Variants in ERBIN observed in about 807,000 individuals in gnomAD.
The protein encoded by ERBIN is densin-180-like protein.
ERBIN carries 60 observed loss-of-function variants against 158.4 expected under a neutral mutation model. That is an observed-to-expected ratio of 0.38 (90% CI 0.31 to 0.47). The LOEUF (loss-of-function observed/expected upper bound fraction) is 0.47, where lower values mean the gene tolerates loss of function less well. ERBIN is among the 20% of genes least tolerant of loss of function. The pLI is 0.99. For synonymous variants in ERBIN, 594 were observed against 557.2 expected (o/e 1.07, Z -0.93); for missense variants, 1,610 against 1,648.0 (o/e 0.98, Z 0.40).
At chr5:66,065,738 A>G (rs1760926820) in intron 21 of ERBIN, among the ~76,000 whole-genome samples, 1 of 151,826 alleles carries the variant, frequency 6.6e-6, no homozygotes, top group Non-Finnish European at 1.5e-5. Context: ...CAGAATAATT[A>G]AGTAATTTTC....
intron 1 of ERBIN, among the ~76,000 whole-genome samples, chr5:65,950,130 TGA>T (rs373737771): frequency 1.9e-3 from 286 of 152,242 alleles, no homozygotes; most frequent in South Asian, 3.7e-3. Flanking sequence ...CTCGGCCTCT[TGA>T]GTAGCTGGGA....
At chr5:65,928,706 C>T (rs997989446) in intron 1 of ERBIN, among the ~76,000 whole-genome samples, 3 of 151,794 alleles carry the variant, frequency 2.0e-5, no homozygotes, top group African/African-American at 7.3e-5. Flanking sequence ...TTTTTTTTCT[C>T]CTCAACAAGG....
chr5:66,026,607 T>C (rs1756284410), intron 13 of ERBIN, among the ~76,000 whole-genome samples, 190 bp downstream of exon 13: 1 of 152,108 alleles, frequency 6.6e-6, no homozygotes, highest in Non-Finnish European at 1.5e-5. Flanking sequence ...AAATCACTTC[T>C]TTCGTTCATC....
At chr5:66,077,104 TC>T (rs1762050886) in intron 25 of ERBIN, among the ~76,000 whole-genome samples, 155 bp downstream of exon 25, 1 of 146,678 alleles carries the variant, frequency 6.8e-6, no homozygotes, top group Non-Finnish European at 1.5e-5. Context: ...CGAGCCGAGA[TC>T]GCGCCACTGT....
rs1429263179 is a variant in ERBIN, at chr5:66,075,233, A to G, written c.3963+3A>G. The G allele has an allele frequency of 1.9e-6, 3 of 1,609,462 alleles. No individual in the cohort carries two copies. The highest frequency in any genetic ancestry group is 1.7e-6 in the Non-Finnish European group (2 of 1,175,764). On this transcript the variant is annotated splice_donor_region_variant and intron_variant, in intron 23 of 25. Transcript: ENST00000284037. ...GCCATGAACTGGCAAAACAAGAGGT[A>G]AGAATAATCAAGACTATTTGAAATA...
intron 4 of ERBIN, among the ~76,000 whole-genome samples, chr5:66,009,564 T>G (rs1399874366): frequency 6.6e-6 from 1 of 152,188 alleles, no homozygotes; most frequent in Admixed American, 6.5e-5. Context: ...TTGAACTCTT[T>G]GGAGAGTTAA....
intron 2 of ERBIN, among the ~76,000 whole-genome samples, chr5:65,989,708 A>T (rs887516291): frequency 6.6e-6 from 1 of 152,244 alleles, no homozygotes; most frequent in African/African-American, 2.4e-5. Context: ...AGTATGGTCC[A>T]GTGGCCATTA....
chr5:66,044,444 C>A, intron 17 of ERBIN, 134 bp downstream of exon 17: 1 of 786,012 alleles, frequency 1.3e-6, no homozygotes, highest in Non-Finnish European at 1.9e-6. Context: ...GGTCGACATG[C>A]TCACATACAT....
rs1762227730 is a variant in ERBIN at position 66,078,639 on chromosome 5, T to A, written c.*109T>A. 8.5e-6 allele frequency: 6 copies of A among 706,166 alleles called. No individual in the cohort carries two copies. Among genetic ancestry groups the A allele is most frequent in the Non-Finnish European group, 1.5e-5 (6 of 410,418 alleles). 43.7% of individuals were successfully genotyped at this position (706,166 alleles called of 1,614,324 possible). On this transcript the variant is annotated 3_prime_UTR_variant, in exon 26 of 26. Transcript: ENST00000284037. ...ATATATAAAGAAGAACTCAAAAAAT[T>A]ATGTTCAAATTTGTACATTAATGAA...
chr5:66,030,315 T>A lies in ERBIN; in HGVS notation c.1206+1972T>A, dbSNP rs149123629. 2.3e-3 allele frequency among the ~76,000 whole-genome samples: 349 copies of A among 152,298 alleles called. 1 individual carries two copies. Among genetic ancestry groups the A allele is most frequent in the African/African-American group, 7.8e-3 (323 of 41,568 alleles). ...CTTCGGCCTCCCAAAGTGCTGGGATTACAGGTGTGAGCCACCACGCCCAGC... is the reference window on the plus strand; with the variant it reads ...CTTCGGCCTCCCAAAGTGCTGGGATAACAGGTGTGAGCCACCACGCCCAGC... On this transcript the variant is annotated intron_variant, in intron 14 of 25. Transcript: ENST00000284037.
intron 21 of ERBIN, among the ~76,000 whole-genome samples, chr5:66,062,116 C>G (rs1760454451): frequency 6.7e-6 from 1 of 149,980 alleles, no homozygotes; most frequent in Non-Finnish European, 1.5e-5. Context: ...GTTAGTTCTC[C>G]TGGATAATAT....
chr5:66,074,878 T>C (rs1761845770), intron 22 of ERBIN, 146 bp from the exon 23 acceptor site: 1 of 676,516 alleles, frequency 1.5e-6, no homozygotes, highest in East Asian at 2.8e-5. Flanking sequence ...TTTAAAATTA[T>C]AGAAAAATAG....
At chr5:66,063,036 G>A (rs958841237) in intron 21 of ERBIN, among the ~76,000 whole-genome samples, 12 of 152,194 alleles carry the variant, frequency 7.9e-5, no homozygotes, top group Admixed American at 1.3e-4. Flanking sequence ...CTCAAGCTGC[G>A]TGCTGGGAGA....
At position 66,053,877 on chromosome 5, in the gene ERBIN, T is replaced by C; in HGVS notation, c.2559T>C (p.Thr853=). The change falls in exon 21 of 26, where the codon ACT becomes ACC. Residue 853 remains threonine, a synonymous_variant. Coordinates refer to ENST00000284037, the MANE Select transcript of ERBIN (RefSeq NM_001253697.2). ...CSVDLGISKS[T]EDLSPQKSGP... is the part of the protein sequence containing the mutation. ...TTGACTTAGGTATTTCCAAAAGCAC[T>C]GAAGATCTCTCCCCTCAGAAAAGTG... 1.2e-6 allele frequency: 2 copies of C among 1,614,154 alleles called. No individual in the cohort carries two copies.
chr5:66,043,608 T>C (rs1486240577), intron 16 of ERBIN, among the ~76,000 whole-genome samples: 1 of 152,296 alleles, frequency 6.6e-6, no homozygotes, highest in Admixed American at 6.5e-5. Context: ...CTCTTTGTTA[T>C]GAACATTTTG....
At chr5:65,977,221 A>T (rs1453778347) in intron 1 of ERBIN, among the ~76,000 whole-genome samples, 4 of 126,632 alleles carry the variant, frequency 3.2e-5, no homozygotes, top group African/African-American at 1.3e-4. Context: ...TCCCTCCCGG[A>T]TGGGGCGGCT....
At chr5:65,972,199 C>A (rs927239561) in intron 1 of ERBIN, among the ~76,000 whole-genome samples, 2 of 152,194 alleles carry the variant, frequency 1.3e-5, no homozygotes, top group African/African-American at 2.4e-5. Flanking sequence ...TTGTCTCTCA[C>A]CCTTGGGCCA....
intron 1 of ERBIN, among the ~76,000 whole-genome samples, chr5:65,983,860 G>A (rs1310187055): frequency 1.3e-5 from 2 of 152,148 alleles, no homozygotes; most frequent in Admixed American, 6.5e-5. Context: ...CTGGGTGACT[G>A]TGGTTGTGCG....
intron 1 of ERBIN, among the ~76,000 whole-genome samples, chr5:65,971,533 A>G (rs1472369909): frequency 1.3e-5 from 2 of 152,214 alleles, no homozygotes; most frequent in East Asian, 1.9e-4. Context: ...AAATAAGGTA[A>G]TAAGGATGTA....
Sources: allele counts gnomAD v4.1 joint callset (sites outside exome capture counted in the v4.1 genomes callset), GRCh38; gene constraint gnomAD v4.1.1; transcripts MANE v1.5; gene names NCBI Gene and HGNC (gene_info 2026-07-23, HGNC 2026-07-21).